Variants in SYT1 observed in about 807,000 individuals in gnomAD.
The protein encoded by SYT1 is synaptotagmin-1.
Under a neutral mutation model 44.8 loss-of-function variants are expected in SYT1, and 8 were observed. The observed-to-expected ratio is 0.18, with a 90% CI of 0.10 to 0.32. The LOEUF (loss-of-function observed/expected upper bound fraction) is 0.32. Ranked by LOEUF, SYT1 falls within the 10% of genes least tolerant of loss-of-function variation. The pLI is 1.00. For missense variants in SYT1, 286 were observed against 509.3 expected, an observed-to-expected ratio of 0.56 and a Z score of 4.22; for synonymous variants, 154 against 188.8, an observed-to-expected ratio of 0.82 and a Z score of 1.51.
intron 1 of SYT1, among the ~76,000 whole-genome samples, chr12:78,876,810 A>T (rs191905817): frequency 6.1e-3 from 155 of 25,552 alleles, no homozygotes; most frequent in African/African-American, 0.026. Flanking sequence ...ATTATATGTA[A>T]TACATATCAT....
chr12:79,262,424 G>T (rs1877880866), intron 4 of SYT1, among the ~76,000 whole-genome samples: 1 of 149,826 alleles, frequency 6.7e-6, no homozygotes, highest in African/African-American at 2.5e-5. Flanking sequence ...TGTGGACTGA[G>T]ATGAGGACCA....
At chr12:79,087,591 G>A (rs12300068) in intron 3 of SYT1, among the ~76,000 whole-genome samples, 23,009 of 151,928 alleles carry the variant, frequency 0.15, 1,858 homozygotes, top group South Asian at 0.19. Flanking sequence ...AGCTTTGCAG[G>A]CAAAGAATGA....
chr12:79,025,111 C>T (rs1211598360), intron 2 of SYT1, among the ~76,000 whole-genome samples: 1 of 151,660 alleles, frequency 6.6e-6, no homozygotes, highest in Non-Finnish European at 1.5e-5. Context: ...GATTTTATAT[C>T]CAAAGTTCCA....
chr12:79,350,076 A>G (rs540869404), intron 8 of SYT1, among the ~76,000 whole-genome samples: 2 of 152,138 alleles, frequency 1.3e-5, no homozygotes, highest in East Asian at 1.9e-4. Context: ...GAGTCTTTAA[A>G]TCTGATTCAG....
At chr12:78,969,207 G>T (rs933806368) in intron 1 of SYT1, among the ~76,000 whole-genome samples, 7 of 152,114 alleles carry the variant, frequency 4.6e-5, no homozygotes, top group African/African-American at 1.7e-4. Flanking sequence ...ATGTACGTAG[G>T]TTATATTCAA....
chr12:78,977,391 G>T (rs1868924391), intron 1 of SYT1: 1 of 152,182 alleles, frequency 6.6e-6, no homozygotes, highest in Admixed American at 6.6e-5. Context: ...TAGCACTCCA[G>T]TATCCTAACA....
chr12:78,910,829 G>T (rs1876278521), intron 1 of SYT1, among the ~76,000 whole-genome samples: 1 of 151,944 alleles, frequency 6.6e-6, no homozygotes, highest in South Asian at 2.1e-4. Context: ...ACACCAGAAG[G>T]ACAAACTGGA....
At chr12:79,047,232 A>G (rs1874137379) in intron 2 of SYT1, 65 bp from the exon 3 acceptor site, 1 of 151,692 alleles carries the variant, frequency 6.6e-6, no homozygotes, top group Non-Finnish European at 1.5e-5. Flanking sequence ...TAACATATTT[A>G]TGACAAAAAT....
At chr12:79,395,944 T>G (rs1884853380) in intron 9 of SYT1, among the ~76,000 whole-genome samples, 1 of 152,238 alleles carries the variant, frequency 6.6e-6, no homozygotes, top group South Asian at 2.1e-4. Context: ...GTTTATAAGA[T>G]AGCCATTGAC....
At chr12:79,007,983 A>C (rs1871198215) in intron 2 of SYT1, among the ~76,000 whole-genome samples, 1 of 152,086 alleles carries the variant, frequency 6.6e-6, no homozygotes, top group Non-Finnish European at 1.5e-5. Flanking sequence ...GTTAGCCAGG[A>C]TCACTGCCCT....
At chr12:79,141,909 C>T (rs1869580569) in intron 3 of SYT1, among the ~76,000 whole-genome samples, 1 of 152,210 alleles carries the variant, frequency 6.6e-6, no homozygotes, top group Admixed American at 6.5e-5. Context: ...GCTTGGGTTT[C>T]TTTCTTCAGG....
chr12:78,992,928 G>A (rs997532155), intron 2 of SYT1, among the ~76,000 whole-genome samples: 1 of 152,142 alleles, frequency 6.6e-6, no homozygotes, highest in Non-Finnish European at 1.5e-5. Context: ...GCTGTGTTTA[G>A]GTATCTTTCC....
At chr12:79,004,439 T>G (rs2137543245) in intron 2 of SYT1, among the ~76,000 whole-genome samples, 1 of 152,120 alleles carries the variant, frequency 6.6e-6, no homozygotes, top group African/African-American at 2.4e-5. Flanking sequence ...TTTATTATAC[T>G]ATCGTTTTCT....
At chr12:79,051,737 T>C (rs1874508525) in intron 3 of SYT1, among the ~76,000 whole-genome samples, 2 of 152,170 alleles carry the variant, frequency 1.3e-5, no homozygotes, top group South Asian at 4.1e-4. Context: ...GGATTAAGTA[T>C]ATGAAGATCT....
At chr12:79,243,208 T>C (rs1383182889) in intron 4 of SYT1, among the ~76,000 whole-genome samples, 2 of 152,216 alleles carry the variant, frequency 1.3e-5, no homozygotes, top group Non-Finnish European at 2.9e-5. Context: ...AGATGAGATT[T>C]GAGTGGGGAC....
intron 2 of SYT1, among the ~76,000 whole-genome samples, chr12:78,982,850 A>G (rs71462202): frequency 2.0e-5 from 3 of 152,216 alleles, no homozygotes; most frequent in African/African-American, 7.2e-5. Context: ...GATCCAACAA[A>G]TCTTATCCAT....
At chr12:79,269,008 A>G (rs1428775159) in intron 4 of SYT1, among the ~76,000 whole-genome samples, 1 of 152,098 alleles carries the variant, frequency 6.6e-6, no homozygotes, top group African/African-American at 2.4e-5. Context: ...GTGGAGCAAG[A>G]AGGGCTTTGG....
chr12:78,976,664 A>G (rs1868858804), intron 1 of SYT1: 1 of 152,338 alleles, frequency 6.6e-6, no homozygotes, highest in African/African-American at 2.4e-5. Context: ...AGAGTTGAAA[A>G]CTAAACTGTA....
chr12:78,994,682 C>T (rs1042869978), intron 2 of SYT1, among the ~76,000 whole-genome samples: 5 of 151,706 alleles, frequency 3.3e-5, no homozygotes, highest in South Asian at 2.1e-4. Context: ...ATTACAGACA[C>T]CTGCCACTGT....
Sources: gnomAD v4.1 joint callset for allele counts (sites outside exome capture counted in the v4.1 genomes callset) on GRCh38, gnomAD v4.1.1 for gene constraint, MANE v1.5 for transcripts, NCBI Gene and HGNC (gene_info 2026-07-23, HGNC 2026-07-21) for gene names.